Variants in SH3BP1 observed in about 807,000 individuals in gnomAD.
SH3BP1 encodes SH3 domain binding protein 1.
SH3BP1 carries 46 observed loss-of-function variants against 69.8 expected under a neutral mutation model. The ratio of observed to expected loss-of-function variants is 0.66; its 90% CI spans 0.52 to 0.84. The LOEUF is 0.84. SH3BP1 is among the 40% of genes least tolerant of loss of function. The probability of loss-of-function intolerance (pLI) is 0.00; values close to 1 mark genes in which losing one functional copy is unlikely to be tolerated. For missense variants in SH3BP1, 868 were observed against 930.9 expected, an observed-to-expected ratio of 0.93 and a Z score of 0.88; for synonymous variants, 403 against 378.0, an observed-to-expected ratio of 1.07 and a Z score of -0.77.
intron 13 of SH3BP1, among the ~76,000 whole-genome samples, chr22:37,647,761 C>T (rs1388073345): frequency 6.6e-6 from 1 of 151,958 alleles, no homozygotes; most frequent in Admixed American, 6.6e-5. Context: ...CTGCAACCTC[C>T]GCCTCCTGGG....
chr22:37,640,045 C>T (rs1215498583), intron 1 of SH3BP1, among the ~76,000 whole-genome samples, 199 bp downstream of exon 1: 1 of 152,204 alleles, frequency 6.6e-6, no homozygotes, highest in African/African-American at 2.4e-5. Flanking sequence ...CAAGGGTGGC[C>T]TTTGGGGGAA....
intron 17 of SH3BP1, among the ~76,000 whole-genome samples, 197 bp from the exon 18 acceptor site, chr22:37,655,075 C>G (rs1378616109): frequency 6.6e-6 from 1 of 152,150 alleles, no homozygotes; most frequent in African/African-American, 2.4e-5. Context: ...GGGACTCTAA[C>G]TAGGGTGCTC....
rs760223226 is a variant in SH3BP1 at position 37,643,632 on chromosome 22, G to T, written c.474-12G>T. On this transcript the variant is annotated splice_polypyrimidine_tract_variant and intron_variant, in intron 6 of 17. Transcript: ENST00000649765. ...AGGGCAGGTGACCAGCTCACCTTGGGATCATCTCCAGGCTCAGTCAGGCAA... is the reference window on the plus strand; with the variant it reads ...AGGGCAGGTGACCAGCTCACCTTGGTATCATCTCCAGGCTCAGTCAGGCAA... The T allele has an allele frequency of 2.5e-6, 4 of 1,614,046 alleles. No individual in the cohort carries two copies. The highest frequency in any genetic ancestry group is 1.3e-5 in the African/African-American group (1 of 74,944).
chr22:37,641,474 G>C lies in SH3BP1; in HGVS notation c.203G>C (p.Arg68Pro), dbSNP rs993947291. 6.5e-7 allele frequency: 1 copy of C among 1,549,748 alleles called. No homozygotes were observed. ...QGQSGADMDK[R>P]VKKLPLMALS... ...CAGAGCGGGGCAGACATGGACAAGC[G>C]GGTGGTGAGTGGGGGGTCCCGGGAA... The change falls in exon 3 of 18, where the codon CGG (arginine) becomes CCG (proline). Residue 68 changes from arginine to proline, a missense_variant. Transcript: ENST00000649765.
chr22:37,641,354 C>A lies in SH3BP1; in HGVS notation c.103-20C>A. Reference sequence around the variant, plus strand: ...GGAGACAGCCTCTCTTGATCCTTAACCTCCATACCTCCTTCCCAGGTAGAA... The same window carrying A: ...GGAGACAGCCTCTCTTGATCCTTAAACTCCATACCTCCTTCCCAGGTAGAA... On this transcript the variant is annotated intron_variant, in intron 2 of 17. Coordinates refer to ENST00000649765, the MANE Select transcript of SH3BP1 (RefSeq NM_018957.6). The A allele has an allele frequency of 1.3e-6, 2 of 1,550,388 alleles. No homozygotes were observed. Among genetic ancestry groups the A allele is most frequent in the Non-Finnish European group, 1.7e-6 (2 of 1,146,230 alleles).
At position 37,643,716 on chromosome 22, in the gene SH3BP1, G is replaced by A. The variant is rs756239678; in HGVS notation, c.546G>A (p.Thr182=). The change falls in exon 7 of 18, where the codon ACG becomes ACA. Residue 182 remains threonine, a synonymous_variant. Transcript: ENST00000649765. ...GCAGCCCGGGTAGTCACAGCCATAC[G>A]ACCATGGCCAACAAGGTGGAGACGC... ...LGGSPGSHSH[T]TMANKVETLK... is the part of the protein sequence containing the mutation. 3.1e-6 allele frequency: 5 copies of A among 1,613,970 alleles called. No individual in the cohort carries two copies. The highest frequency in any genetic ancestry group is 1.3e-5 in the African/African-American group (1 of 74,928).
rs1181562309 is a variant in SH3BP1, at chr22:37,647,745, G to A, written c.1199+224G>A. 8.6e-5 allele frequency among the ~76,000 whole-genome samples: 13 copies of A among 151,470 alleles called. No individual in the cohort carries two copies. The South Asian group carries it at 2.7e-3, about 32-fold the overall frequency. On this transcript the variant is annotated intron_variant, in intron 13 of 17. Transcript: ENST00000649765. ...AGCTGGAGTGCAGTGGTGCAGTCTT[G>A]GCTCACTGCAACCTCCGCCTCCTGG... is the stretch of plus-strand genomic sequence containing the variant.
At chr22:37,646,119 A>G (rs1038708777) in intron 10 of SH3BP1, among the ~76,000 whole-genome samples, 4 of 151,664 alleles carry the variant, frequency 2.6e-5, no homozygotes, top group Non-Finnish European at 5.9e-5. Flanking sequence ...GGCATGCACC[A>G]CCACGCCCAG....
chr22:37,639,797 A>G lies in SH3BP1; in HGVS notation c.10A>G (p.Arg4Gly). ...CCAGCTCGCCCCCAAGATGATGAAG[A>G]GGCAGCTGCACCGCATGCGGCAGCT... is the stretch of plus-strand genomic sequence containing the variant. MMK[R>G]QLHRMRQLAQ... Residue 4 changes from arginine to glycine, a missense_variant, in exon 1 of 18, where the codon AGG becomes GGG. Arg to Gly is a moderately radical substitution (Grantham distance 125). This residue lies in a region of SH3BP1 where 387 missense variants were observed against 447.9 expected (regional missense o/e 0.86). Coordinates refer to ENST00000649765, the MANE Select transcript of SH3BP1 (RefSeq NM_018957.6). The G allele has an allele frequency of 6.4e-7, 1 of 1,555,170 alleles. No homozygotes were observed. The highest frequency in any genetic ancestry group is 8.7e-7 in the Non-Finnish European group (1 of 1,152,642).
rs181668754 is a variant in SH3BP1 at position 37,642,289 on chromosome 22, C to A, written c.208-250C>A. 5.8e-6 allele frequency: 3 copies of A among 519,910 alleles called. No individual in the cohort carries two copies. In the East Asian group the frequency reaches 9.9e-5, roughly 17 times the overall value. The allele number at this position is 519,910 out of a possible 1,614,324, so 32.2% of individuals were successfully genotyped here. A position where few individuals can be genotyped will look rare whatever the true frequency, so the allele number is the denominator to read the frequency against. The stretch of plus-strand genomic sequence containing the variant: ...CTTAGTTTCCCAGTCTGCAGTAGGA[C>A]TTGGTCATTCCTTCCTGCCCAGTCA... On this transcript the variant is annotated intron_variant, in intron 3 of 17. Transcript: ENST00000649765.
At chr22:37,647,039 A>T (rs892048976) in intron 11 of SH3BP1, 110 bp downstream of exon 11, 1 of 799,684 alleles carries the variant, frequency 1.3e-6, no homozygotes, top group African/African-American at 1.7e-5. Flanking sequence ...GTTGAGACTG[A>T]GGACACTCGG....
intron 15 of SH3BP1, 93 bp from the exon 16 acceptor site, chr22:37,650,449 G>C: frequency 1.3e-6 from 2 of 1,527,542 alleles, no homozygotes; most frequent in Non-Finnish European, 1.8e-6. Flanking sequence ...ACATGGTCCA[G>C]ATGGGTTCAG....
chr22:37,648,377 C>G lies in SH3BP1; in HGVS notation c.1258C>G (p.Pro420Ala), dbSNP rs1932819504. ...GGAGCAGGAGGTGAACAAGATGACA[C>G]CCAGCAACATCGCCATAGTCCTGGG... is the stretch of plus-strand genomic sequence containing the variant. ...AEEQEVNKMTPSNIAIVLGPN... is the reference protein window; with the variant it reads ...AEEQEVNKMTASNIAIVLGPN... Residue 420 changes from proline to alanine, a missense_variant, in exon 14 of 18, where the codon CCC becomes GCC. Physicochemically the swap from Pro to Ala is conservative, Grantham distance 27. Coordinates refer to ENST00000649765, the MANE Select transcript of SH3BP1 (RefSeq NM_018957.6). 1.3e-6 allele frequency: 2 copies of G among 1,572,416 alleles called. No homozygotes were observed. The highest frequency in any genetic ancestry group is 1.7e-4 in the Middle Eastern group (1 of 6,004).
At chr22:37,652,837 A>G (rs12168426) in intron 16 of SH3BP1, among the ~76,000 whole-genome samples, 19,270 of 142,736 alleles carry the variant, frequency 0.14, 1,570 homozygotes, top group Admixed American at 0.24. Context: ...AAAAAAAAAA[A>G]AAAAAGAAAA....
intron 14 of SH3BP1, chr22:37,648,917 G>A: frequency 6.1e-6 from 1 of 165,206 alleles, no homozygotes; most frequent in Non-Finnish European, 1.3e-5. Context: ...GTTAGCCAGG[G>A]TGGTCTCGAT....
rs199567013 is a variant in SH3BP1 at position 37,653,915 on chromosome 22, C to A, written c.1693+42C>A. The A allele has an allele frequency of 6.8e-6, 3 of 444,228 alleles. No individual in the cohort carries two copies. In the East Asian group the frequency reaches 1.8e-4, roughly 27 times the overall value. The allele number at this position is 444,228 out of a possible 1,614,324, so 27.5% of individuals were successfully genotyped here. On this transcript the variant is annotated intron_variant, in intron 17 of 17. Transcript: ENST00000649765. ...AGGGGAGGAGGGGACAGAGGGTGGG[C>A]GGGGAGAGGGGACAGGCAGTCCCAG...
At position 37,641,098 on chromosome 22, in the gene SH3BP1, TCCCCCCCCC is replaced by T; in HGVS notation, c.60-23_60-15del. On this transcript the variant is annotated intron_variant, in intron 1 of 17. Coordinates refer to ENST00000649765, the MANE Select transcript of SH3BP1 (RefSeq NM_018957.6). ...CCAGGCAGGCTCAGCAGAAGCACTC[TCCCCCCCCC>T]CCCCACCACTCCCCGCAGCACCCCG... The T allele has an allele frequency of 1.1e-6, 1 of 946,798 alleles. No individual in the cohort carries two copies. Among genetic ancestry groups the T allele is most frequent in the Non-Finnish European group, 1.6e-6 (1 of 638,980 alleles). The allele number at this position is 946,798 out of a possible 1,614,324, so 58.6% of individuals were successfully genotyped here.
At chr22:37,649,918 G>T in intron 14 of SH3BP1, 1 of 635,154 alleles carries the variant, frequency 1.6e-6, no homozygotes, top group Non-Finnish European at 2.9e-6. Flanking sequence ...AGGCTGTCCA[G>T]ATCACAACTA....
At chr22:37,645,047 A>T in intron 9 of SH3BP1, 87 bp downstream of exon 9, 2 of 1,242,510 alleles carry the variant, frequency 1.6e-6, no homozygotes, top group Non-Finnish European at 2.3e-6. Context: ...CCTGAAAGGT[A>T]GCAGGAAGCT....
Sources: allele counts gnomAD v4.1 joint callset (sites outside exome capture counted in the v4.1 genomes callset), GRCh38; gene constraint gnomAD v4.1.1; regional missense constraint gnomAD v4.1.1; transcripts MANE v1.5; gene names NCBI Gene and HGNC (gene_info 2026-07-23, HGNC 2026-07-21).